PATL1: variants seen among roughly 807,000 people sequenced by gnomAD.
PATL1 encodes protein PAT1 homolog 1.
Under a neutral mutation model 100.6 loss-of-function variants are expected in PATL1, and 32 were observed. The observed-to-expected ratio is 0.32, with a 90% confidence interval of 0.24 to 0.43. The LOEUF (loss-of-function observed/expected upper bound fraction) is 0.43, where lower values mean the gene tolerates loss of function less well. Ranked by LOEUF, PATL1 falls within the 20% of genes least tolerant of loss-of-function variation. The pLI is 1.00. For synonymous variants in PATL1, 332 were observed against 330.0 expected, an observed-to-expected ratio of 1.01 and a Z score of -0.07; for missense variants, 747 against 949.9, an observed-to-expected ratio of 0.79 and a Z score of 2.81.
chr11:59,648,100 C>G (rs1861388214), intron 14 of PATL1, among the ~76,000 whole-genome samples, 187 bp from the exon 15 acceptor site: 2 of 150,084 alleles, frequency 1.3e-5, no homozygotes, highest in South Asian at 4.2e-4. Context: ...TCAGGTCTTA[C>G]AAATGTAGAA....
At chr11:59,668,849 G>T in intron 1 of PATL1, 32 bp downstream of exon 1, 3 of 1,307,066 alleles carry the variant, frequency 2.3e-6, no homozygotes, top group Non-Finnish European at 3.1e-6. Context: ...GCGGGAGGGA[G>T]GGAGGGGTCA....
At position 59,642,975 on chromosome 11, in the gene PATL1, TACTC is replaced by T. The variant is rs1861308960; in HGVS notation, c.1950_1953del (p.Ile652ProfsTer7). The T allele has an allele frequency of 6.2e-7, 1 of 1,613,874 alleles. No individual in the cohort carries two copies. The highest frequency in any genetic ancestry group is 8.5e-7 in the Non-Finnish European group (1 of 1,179,882). ...ATTAGCTGTCGCAAAAGGCTGGTGA[TACTC>T]ACTGATGGAAGATGATAGAGAAGGA... is the stretch of plus-strand genomic sequence containing the variant. On this transcript the variant is annotated frameshift_variant, in exon 16 of 19. Coordinates refer to ENST00000300146, the MANE Select transcript of PATL1 (RefSeq NM_152716.3). LOFTEE classifies it high-confidence loss of function.
At chr11:59,664,476 G>T (rs948465825) in intron 2 of PATL1, among the ~76,000 whole-genome samples, 8 of 152,120 alleles carry the variant, frequency 5.3e-5, no homozygotes, top group Non-Finnish European at 1.2e-4. Context: ...TGAAGAATTT[G>T]TTGAAAAAAT....
rs146548152 is a variant in PATL1 at position 59,656,405 on chromosome 11, G to C, written c.723+94C>G. The stretch of plus-strand genomic sequence containing the variant: ...ATTATAAAAAATAGGTATAATTTAG[G>C]AGATGTCAGCAAATCTAAATACTGG... On this transcript the variant is annotated intron_variant, in intron 6 of 18. Transcript: ENST00000300146. 1.7e-4 allele frequency: 170 copies of C among 1,024,150 alleles called. 1 individual carries two copies. In the East Asian group the frequency reaches 4.2e-3, roughly 25 times the overall value. The allele number at this position is 1,024,150 out of a possible 1,614,324, so 63.4% of individuals were successfully genotyped here.
intron 5 of PATL1, chr11:59,657,033 G>A: frequency 5.3e-6 from 5 of 946,170 alleles, no homozygotes; most frequent in Non-Finnish European, 6.3e-6. Flanking sequence ...CCATTTCATA[G>A]GATTTGAGCC....
intron 11 of PATL1, 144 bp downstream of exon 11, chr11:59,652,320 C>T: frequency 8.3e-7 from 1 of 1,208,596 alleles, no homozygotes. Context: ...CTGATTTTTG[C>T]ATTTATTAAG....
intron 13 of PATL1, 150 bp from the exon 14 acceptor site, chr11:59,649,760 A>G (rs1001310347): frequency 2.4e-6 from 2 of 821,394 alleles, no homozygotes; most frequent in African/African-American, 3.5e-5. Context: ...AAACCATATG[A>G]AATAACTTAA....
Position 59,656,506 on chromosome 11 carries a change from C to T in PATL1, c.716G>A (p.Ser239Asn). ...AGGCTTAAAGTGACATACCGGGACACTGCAGAGCTGGTTTGGAGACATCCT... is the reference window on the plus strand; with the variant it reads ...AGGCTTAAAGTGACATACCGGGACATTGCAGAGCTGGTTTGGAGACATCCT... ...GERMSPNQLC[S>N]VPNSSLLGHP... is the part of the protein sequence containing the mutation. Residue 239 changes from serine (S) to asparagine (N), a missense_variant, in exon 6 of 19, where the codon AGT becomes AAT. Physicochemically the swap from Ser to Asn is conservative, Grantham distance 46. Around this residue, in one of 4 missense-constraint regions of PATL1, gnomAD observed 127 missense variants for 116.0 expected, o/e 1.09. Transcript: ENST00000300146. 6.2e-7 allele frequency: 1 copy of T among 1,613,400 alleles called. No individual in the cohort carries two copies. Among genetic ancestry groups the T allele is most frequent in the African/African-American group, 1.3e-5 (1 of 75,016 alleles).
rs144533468 is a variant in PATL1 at position 59,664,630 on chromosome 11, A to C, written c.127+2223T>G. On this transcript the variant is annotated intron_variant, in intron 2 of 18. Transcript: ENST00000300146. ...CGCTCTGTTACCCAGGCTGGAATGC[A>C]GTGGCACCATCATAGCTGATGCAGC... Among the ~76,000 whole-genome samples, 147 of 152,356 alleles carry C rather than the reference A, an allele frequency of 9.6e-4. 1 individual carries two copies. Among genetic ancestry groups the C allele is most frequent in the Non-Finnish European group, 1.6e-3 (109 of 68,030 alleles).
rs77539250 is a variant in PATL1, at chr11:59,655,644, G to T, written c.910C>A (p.Arg304=). Residue 304 remains arginine (R), a synonymous_variant, in exon 8 of 19, where the codon CGA becomes AGA. Coordinates refer to ENST00000300146, the MANE Select transcript of PATL1 (RefSeq NM_152716.3). The part of the protein sequence containing the change: ...AAMNPKLLQG[R]VGQMLPPAPG... Reference sequence around the variant, plus strand: ...GCTGGGGGAAGCATCTGCCCAACTCGCCCTTGTAGCAACTTGGGATTCATG... The same window carrying T: ...GCTGGGGGAAGCATCTGCCCAACTCTCCCTTGTAGCAACTTGGGATTCATG... 4.0e-3 allele frequency: 6,362 copies of T among 1,601,388 alleles called. 221 individuals carry two copies. In the African/African-American group the frequency reaches 0.076, roughly 19 times the overall value.
intron 5 of PATL1, among the ~76,000 whole-genome samples, 161 bp downstream of exon 5, chr11:59,657,369 G>A (rs1487941442): frequency 6.6e-6 from 1 of 152,220 alleles, no homozygotes; most frequent in Non-Finnish European, 1.5e-5. Context: ...ATCAGGGAAT[G>A]TGTCTCTTAT....
intron 11 of PATL1, 41 bp downstream of exon 11, chr11:59,652,423 A>C (rs200107544): frequency 1.9e-6 from 3 of 1,580,942 alleles, no homozygotes; most frequent in Non-Finnish European, 2.6e-6. Context: ...CAGCTTCTCA[A>C]ATTTCTTTTA....
intron 15 of PATL1, among the ~76,000 whole-genome samples, chr11:59,646,039 C>G (rs1004231000): frequency 6.6e-6 from 1 of 152,142 alleles, no homozygotes; most frequent in African/African-American, 2.4e-5. Context: ...CTTTTAGCAC[C>G]TAGAACTAGG....
At position 59,657,525 on chromosome 11, in the gene PATL1, G is replaced by A; in HGVS notation, c.621+5C>T. 1.3e-6 allele frequency: 2 copies of A among 1,584,698 alleles called. No homozygotes were observed. Among genetic ancestry groups the A allele is most frequent in the Non-Finnish European group, 1.7e-6 (2 of 1,161,082 alleles). Reference sequence around the variant, plus strand: ...CTGGGCTGTGTGCTTGTTAATGAGAGGTACCTGTTGGGTGAAGCTGGGTAC... The same window carrying A: ...CTGGGCTGTGTGCTTGTTAATGAGAAGTACCTGTTGGGTGAAGCTGGGTAC... On this transcript the variant is annotated splice_donor_5th_base_variant and intron_variant, in intron 5 of 18. Coordinates refer to ENST00000300146, the MANE Select transcript of PATL1 (RefSeq NM_152716.3).
At chr11:59,640,886 C>G (rs533062231) in intron 16 of PATL1, among the ~76,000 whole-genome samples, 1 of 151,424 alleles carries the variant, frequency 6.6e-6, no homozygotes, top group Non-Finnish European at 1.5e-5. Flanking sequence ...AAAAATCAAT[C>G]GGAGGCTGGG....
chr11:59,643,694 T>A (rs1861318836), intron 15 of PATL1, among the ~76,000 whole-genome samples: 1 of 152,140 alleles, frequency 6.6e-6, no homozygotes, highest in Admixed American at 6.5e-5. Context: ...CCACCCTGTC[T>A]CAAAAGAAGT....
chr11:59,640,101 G>A (rs770468038), intron 16 of PATL1, among the ~76,000 whole-genome samples: 3 of 152,136 alleles, frequency 2.0e-5, no homozygotes, highest in Non-Finnish European at 4.4e-5. Flanking sequence ...CAGCACTATG[G>A]GAGGCCAAGG....
intron 16 of PATL1, among the ~76,000 whole-genome samples, chr11:59,641,733 A>G (rs1026406989): frequency 2.0e-5 from 3 of 152,146 alleles, no homozygotes; most frequent in African/African-American, 7.2e-5. Context: ...GGCCTGGGTG[A>G]CAGAGAAGAC....
intron 1 of PATL1, chr11:59,667,215 AT>A: frequency 2.0e-6 from 1 of 493,998 alleles, no homozygotes; most frequent in Non-Finnish European, 2.6e-6. Flanking sequence ...CCATTTCTCT[AT>A]TTTATCAAGA....
Sources: allele counts gnomAD v4.1 joint callset (sites outside exome capture counted in the v4.1 genomes callset), GRCh38; gene constraint gnomAD v4.1.1; regional missense constraint gnomAD v4.1.1; transcripts MANE v1.5; gene names NCBI Gene and HGNC (gene_info 2026-07-23, HGNC 2026-07-21).